DMTF1: variants seen among roughly 807,000 people sequenced by gnomAD.
DMTF1 encodes the protein cyclin-D-binding Myb-like transcription factor 1.
In DMTF1, 39 loss-of-function variants were observed where a neutral mutation model predicts 91.1. The ratio of observed to expected loss-of-function variants is 0.43; its 90% confidence interval spans 0.33 to 0.56. The LOEUF (loss-of-function observed/expected upper bound fraction) is 0.56. Among genes scored for constraint, DMTF1 ranks in the 20% least tolerant of loss-of-function variants. The pLI is 0.05. For synonymous variants in DMTF1, 338 were observed against 309.5 expected (o/e 1.09, Z -0.97); for missense variants, 750 against 914.5 (o/e 0.82, Z 2.32).
chr7:87,193,067 C>G, intron 14 of DMTF1, 131 bp from the exon 15 acceptor site: 1 of 869,536 alleles, frequency 1.2e-6, no homozygotes, highest in Non-Finnish European at 1.8e-6. Context: ...CGATTATGCC[C>G]TACATTGTAT....
rs1002226972 is a variant in DMTF1, at chr7:87,196,169, A to C, written c.*1029A>C. ...GTCAAGAAAAAAAAACCCTTGTATA[A>C]ATTATTTTATTTATTATTGTAATTA... On this transcript the variant is annotated 3_prime_UTR_variant, in exon 18 of 18. Coordinates refer to ENST00000331242, the MANE Select transcript of DMTF1 (RefSeq NM_001142327.2). 6.5e-6 allele frequency: 1 copy of C among 153,448 alleles called. No individual in the cohort carries two copies. Among genetic ancestry groups the C allele is most frequent in the African/African-American group, 2.4e-5 (1 of 41,426 alleles). 9.5% of individuals were successfully genotyped at this position (153,448 alleles called of 1,614,324 possible). A position where few individuals can be genotyped will look rare whatever the true frequency, so the allele number is the denominator to read the frequency against.
At chr7:87,162,348 A>G (rs978487027) in intron 1 of DMTF1, among the ~76,000 whole-genome samples, 3 of 152,192 alleles carry the variant, frequency 2.0e-5, no homozygotes, top group Admixed American at 6.5e-5. Context: ...AGGGTGAGCC[A>G]CCACGCCTGG....
At position 87,194,110 on chromosome 7, in the gene DMTF1, G is replaced by GTACTT; in HGVS notation, c.2028+11_2028+15dup. ...AGTGCTTATGTTACTGAGGTAAGTT[G>GTACTT]TACTTTAAGAACAACTGAATGGATT... On this transcript the variant is annotated intron_variant, in intron 16 of 17. Coordinates refer to ENST00000331242, the MANE Select transcript of DMTF1 (RefSeq NM_001142327.2). 6.4e-7 allele frequency: 1 copy of GTACTT among 1,553,728 alleles called. No homozygotes were observed. The highest frequency in any genetic ancestry group is 2.0e-5 in the Admixed American group (1 of 50,648).
intron 14 of DMTF1, chr7:87,192,912 T>C (rs975742602): frequency 1.8e-5 from 5 of 272,094 alleles, no homozygotes; most frequent in South Asian, 1.2e-4. Context: ...AGAGGGGTGA[T>C]TGGGTGTTGT....
intron 10 of DMTF1, among the ~76,000 whole-genome samples, chr7:87,184,152 T>G (rs532115758): frequency 3.3e-5 from 5 of 152,332 alleles, no homozygotes; most frequent in African/African-American, 1.2e-4. Flanking sequence ...TTTGGGTGGT[T>G]TTTCTTTTCA....
rs1791514423 is a variant in DMTF1, at chr7:87,159,013, T to A, written c.-131-4482T>A. Among the ~76,000 whole-genome samples, 2 of 152,134 alleles carry A rather than the reference T, an allele frequency of 1.3e-5. 1 individual carries two copies. Among genetic ancestry groups the A allele is most frequent in the South Asian group, 4.1e-4 (2 of 4,830 alleles). ...TACAAGAAATGTTTCCCCTGTTCTT[T>A]TAAAAAACAAGATTATGAGATACAT... is the stretch of plus-strand genomic sequence containing the variant. On this transcript the variant is annotated intron_variant, in intron 1 of 17. Coordinates refer to ENST00000331242, the MANE Select transcript of DMTF1 (RefSeq NM_001142327.2).
intron 1 of DMTF1, chr7:87,154,347 T>C (rs893905970): frequency 6.6e-6 from 1 of 152,612 alleles, no homozygotes; most frequent in African/African-American, 2.4e-5. Context: ...TAGGTGCTTC[T>C]GTATGCCACC....
rs1246304330 is a variant in DMTF1, at chr7:87,194,079, T to C, written c.2005T>C (p.Leu669=). 6.2e-7 allele frequency: 1 copy of C among 1,603,976 alleles called. No individual in the cohort carries two copies. Among genetic ancestry groups the C allele is most frequent in the Admixed American group, 1.7e-5 (1 of 59,012 alleles). ...DLKQEESPSD[L]ASAYVTEGLE... is the part of the protein sequence containing the mutation. ...TAAACAAGAGGAATCACCCTCTGAT[T>C]TAGCCAGTGCTTATGTTACTGAGGT... Residue 669 remains leucine, a synonymous_variant, in exon 16 of 18, where the codon TTA becomes CTA. Coordinates refer to ENST00000331242, the MANE Select transcript of DMTF1 (RefSeq NM_001142327.2).
At position 87,157,700 on chromosome 7, in the gene DMTF1, A is replaced by G. The variant is rs189319734; in HGVS notation, c.-132+5145A>G. 4.6e-5 allele frequency among the ~76,000 whole-genome samples: 7 copies of G among 152,176 alleles called. No individual in the cohort carries two copies. The East Asian group carries it at 1.3e-3, about 29-fold the overall frequency. On this transcript the variant is annotated intron_variant, in intron 1 of 17. Coordinates refer to ENST00000331242, the MANE Select transcript of DMTF1 (RefSeq NM_001142327.2). ...GTGTTAAATAACAGATCCAAGAGTT[A>G]TTTCTTTATGCTTATCCCTTTTCGT...
chr7:87,190,304 T>TA (rs542481014), intron 13 of DMTF1, among the ~76,000 whole-genome samples: 2,188 of 146,470 alleles, frequency 0.015, 51 homozygotes, highest in Admixed American at 0.057. Context: ...GCAGGACAGG[T>TA]AAAAAAAAAA....
rs921525769 is a variant in DMTF1, at chr7:87,153,339, A to G, written c.-132+784A>G. On this transcript the variant is annotated intron_variant, in intron 1 of 17. Coordinates refer to ENST00000331242, the MANE Select transcript of DMTF1 (RefSeq NM_001142327.2). ...ACCCTATTGTGCCGAGTTCCGAGAA[A>G]GTTCTTAAAATTGTTAAGTCCACTT... 2.0e-5 allele frequency among the ~76,000 whole-genome samples: 3 copies of G among 152,166 alleles called. No homozygotes were observed. The East Asian group carries it at 5.8e-4, about 29-fold the overall frequency.
chr7:87,170,876 G>C (rs1458546129), intron 4 of DMTF1, 119 bp from the exon 5 acceptor site: 1 of 675,900 alleles, frequency 1.5e-6, no homozygotes, highest in African/African-American at 1.8e-5. Flanking sequence ...ATGTGAAGAT[G>C]TATTAACAAG....
intron 8 of DMTF1, among the ~76,000 whole-genome samples, chr7:87,180,453 G>C (rs1400319545): frequency 2.6e-5 from 4 of 152,202 alleles, no homozygotes; most frequent in Non-Finnish European, 5.9e-5. Context: ...AAAGTGAGCA[G>C]CGTTTCATAA....
intron 4 of DMTF1, among the ~76,000 whole-genome samples, chr7:87,169,309 AT>A (rs200297146): frequency 0.027 from 4,153 of 152,258 alleles, 75 homozygotes; most frequent in Middle Eastern, 0.071. Flanking sequence ...GAATACAAAA[AT>A]TAGCTGGGTG....
chr7:87,176,823 A>G lies in DMTF1; in HGVS notation c.519+2154A>G, dbSNP rs182579863. On this transcript the variant is annotated intron_variant, in intron 7 of 17. Transcript: ENST00000331242. ...TGTGGTGCTCTTCTAAGACTTCTGT[A>G]GAGCTAGTTTTAAACTTCAGAGAAT... Among the ~76,000 whole-genome samples the G allele has an allele frequency of 7.9e-5, 12 of 152,298 alleles. No homozygotes were observed. In the East Asian group the frequency reaches 1.7e-3, roughly 22 times the overall value.
At chr7:87,169,729 C>G (rs1475253431) in intron 4 of DMTF1, among the ~76,000 whole-genome samples, 2 of 152,156 alleles carry the variant, frequency 1.3e-5, no homozygotes, top group Non-Finnish European at 2.9e-5. Context: ...TTATTACTCC[C>G]TCCTCCCTGA....
intron 14 of DMTF1, among the ~76,000 whole-genome samples, chr7:87,192,001 T>A (rs1035193988): frequency 6.6e-6 from 1 of 152,132 alleles, no homozygotes; most frequent in Non-Finnish European, 1.5e-5. Flanking sequence ...TTAACCTAAG[T>A]CAGTCTCCTA....
intron 12 of DMTF1, 174 bp downstream of exon 12, chr7:87,186,154 T>C: frequency 1.6e-6 from 1 of 616,536 alleles, no homozygotes; most frequent in Admixed American, 3.2e-5. Context: ...GAGTTAATAC[T>C]GTTTGTAATT....
At chr7:87,194,595 T>A in intron 16 of DMTF1, 89 bp from the exon 17 acceptor site, 1 of 915,412 alleles carries the variant, frequency 1.1e-6, no homozygotes, top group Non-Finnish European at 1.6e-6. Context: ...TGGGTTATGT[T>A]TAAGTCTAAC....
Sources: gnomAD v4.1 joint callset for allele counts (sites outside exome capture counted in the v4.1 genomes callset) on GRCh38, gnomAD v4.1.1 for gene constraint, MANE v1.5 for transcripts, NCBI Gene and HGNC (gene_info 2026-07-23, HGNC 2026-07-21) for gene names.